Variants in EIF4E3 observed in about 807,000 individuals in gnomAD.
EIF4E3 encodes the protein eukaryotic translation initiation factor 4E family member 3.
Under a neutral mutation model 31.7 loss-of-function variants are expected in EIF4E3, and 26 were observed. That is an observed-to-expected ratio of 0.82 (90% CI 0.60 to 1.14). EIF4E3 has a LOEUF of 1.14. Ranked by LOEUF, EIF4E3 falls within the 50% of genes most tolerant of loss-of-function variation. The probability of loss-of-function intolerance (pLI) is 0.00; values close to 1 mark genes in which losing one functional copy is unlikely to be tolerated. For synonymous variants in EIF4E3, 128 were observed against 107.7 expected (o/e 1.19, Z -1.17); for missense variants, 304 against 270.9 (o/e 1.12, Z -0.86).
chr3:71,738,335 C>T (rs773511510), intron 1 of EIF4E3, among the ~76,000 whole-genome samples: 24 of 151,390 alleles, frequency 1.6e-4, no homozygotes, highest in Non-Finnish European at 3.0e-4. Flanking sequence ...CTTTTACCCC[C>T]ACCAGGTAGA....
At chr3:71,689,832 C>T (rs985046527) in intron 6 of EIF4E3, among the ~76,000 whole-genome samples, 178 bp downstream of exon 6, 1 of 149,610 alleles carries the variant, frequency 6.7e-6, no homozygotes, top group Admixed American at 6.7e-5. Context: ...ACTTTAATTT[C>T]TGAGACTAAG....
chr3:71,673,926 TATATAA>T (rs1394628013), downstream of EIF4E3, among the ~76,000 whole-genome samples: 11 of 139,518 alleles, frequency 7.9e-5, no homozygotes, highest in South Asian at 8.8e-4. Context: ...TATATATATA[TATATAA>T]AAAACATAAT....
chr3:71,689,854 T>TA (rs376899673), intron 6 of EIF4E3, among the ~76,000 whole-genome samples, 156 bp downstream of exon 6: 432 of 140,922 alleles, frequency 3.1e-3, no homozygotes, highest in Admixed American at 4.7e-3. Context: ...TTGTTTTTTT[T>TA]AAAAAAAAAA....
intron 2 of EIF4E3, among the ~76,000 whole-genome samples, chr3:71,704,459 G>A (rs2049262267): frequency 6.6e-6 from 1 of 152,248 alleles, no homozygotes; most frequent in Admixed American, 6.5e-5. Flanking sequence ...TGTGAAGGCA[G>A]GAGGGGTTAT....
chr3:71,722,999 C>T (rs1156662826), intron 1 of EIF4E3, among the ~76,000 whole-genome samples: 1 of 152,140 alleles, frequency 6.6e-6, no homozygotes, highest in Non-Finnish European at 1.5e-5. Context: ...CATCAGCACA[C>T]AGTAGGCTGG....
chr3:71,669,953 TA>T, the EIF4E3 span, among the ~76,000 whole-genome samples: 1 of 152,176 alleles, frequency 6.6e-6, no homozygotes, highest in Non-Finnish European at 1.5e-5. Flanking sequence ...ACAAGAGGCA[TA>T]AACCGTCCTT....
Position 71,696,616 on chromosome 3 carries a change from A to G in EIF4E3, c.345-96T>C, listed in dbSNP as rs1398275158. The G allele has an allele frequency of 5.6e-6, 8 of 1,421,260 alleles. No homozygotes were observed. The African/African-American group carries it at 8.6e-5, about 15-fold the overall frequency. The allele number at this position is 1,421,260 out of a possible 1,614,324, so 88.0% of individuals were successfully genotyped here. On this transcript the variant is annotated intron_variant, in intron 3 of 6. Coordinates refer to ENST00000425534, the MANE Select transcript of EIF4E3 (RefSeq NM_001134651.2). ...CTCTTCATACATTTAGTTTAACAAC[A>G]GATGACCTTAAAAACAAAATAGTTG...
At chr3:71,712,740 T>A (rs762039292) in intron 1 of EIF4E3, among the ~76,000 whole-genome samples, 104 of 151,938 alleles carry the variant, frequency 6.8e-4, no homozygotes, top group Non-Finnish European at 9.4e-4. Flanking sequence ...ATTTTTAAAG[T>A]TCACTTCAAT....
In EIF4E3 at chr3:71,680,617, A is replaced by G. The variant is rs373444113; in HGVS notation, c.*4065T>C. The G allele has an allele frequency of 6.6e-6, 1 of 152,220 alleles. No individual in the cohort carries two copies. Among genetic ancestry groups the G allele is most frequent in the Non-Finnish European group, 1.5e-5 (1 of 68,036 alleles). The allele number at this position is 152,220 out of a possible 1,614,324, so 9.4% of individuals were successfully genotyped here. ...AATAAAATCAGAACAGTATAATCTGACATGAAAGGAATCTATTTGGGATTT... is the reference window on the plus strand; with the variant it reads ...AATAAAATCAGAACAGTATAATCTGGCATGAAAGGAATCTATTTGGGATTT... On this transcript the variant is annotated 3_prime_UTR_variant, in exon 7 of 7. Coordinates refer to ENST00000425534, the MANE Select transcript of EIF4E3 (RefSeq NM_001134651.2).
the EIF4E3 span, among the ~76,000 whole-genome samples, chr3:71,660,172 T>A: frequency 6.6e-6 from 1 of 151,698 alleles, no homozygotes; most frequent in Non-Finnish European, 1.5e-5. Context: ...GAGCAGAAAA[T>A]GAAGCTGTAA....
intron 1 of EIF4E3, among the ~76,000 whole-genome samples, chr3:71,741,817 T>G (rs570701958): frequency 6.6e-6 from 1 of 152,326 alleles, no homozygotes; most frequent in Admixed American, 6.5e-5. Flanking sequence ...TACAAGTATG[T>G]TCTCTGATAC....
At chr3:71,695,947 A>G (rs1449883109) in intron 4 of EIF4E3, among the ~76,000 whole-genome samples, 1 of 152,182 alleles carries the variant, frequency 6.6e-6, no homozygotes, top group African/African-American at 2.4e-5. Flanking sequence ...TCATCACACC[A>G]TCCAGGTTCT....
At chr3:71,751,044 G>C (rs1482298318) in intron 1 of EIF4E3, among the ~76,000 whole-genome samples, 1 of 151,230 alleles carries the variant, frequency 6.6e-6, no homozygotes, top group Non-Finnish European at 1.5e-5. Flanking sequence ...TTACAGGTGT[G>C]AGCCACCGCA....
At chr3:71,703,392 A>C (rs1396343580) in intron 2 of EIF4E3, among the ~76,000 whole-genome samples, 1 of 152,240 alleles carries the variant, frequency 6.6e-6, no homozygotes, top group African/African-American at 2.4e-5. Context: ...GGTTCTCAGC[A>C]TAACCTTCAC....
At chr3:71,742,067 T>C (rs948370328) in intron 1 of EIF4E3, among the ~76,000 whole-genome samples, 2 of 152,158 alleles carry the variant, frequency 1.3e-5, no homozygotes, top group South Asian at 2.1e-4. Context: ...CTCAAATAGA[T>C]GGACTCAGCT....
chr3:71,712,526 T>C (rs2049394225), intron 1 of EIF4E3, among the ~76,000 whole-genome samples: 2 of 150,900 alleles, frequency 1.3e-5, no homozygotes, highest in African/African-American at 4.9e-5. Flanking sequence ...TTTCTTCCTT[T>C]ATCTGACTGC....
chr3:71,667,807 T>C, the EIF4E3 span, among the ~76,000 whole-genome samples: 3 of 152,158 alleles, frequency 2.0e-5, no homozygotes, highest in Non-Finnish European at 4.4e-5. Flanking sequence ...AGAATCAATA[T>C]AGTGAAAATG....
At position 71,749,328 on chromosome 3, in the gene EIF4E3, C is replaced by T. The variant is rs530744903; in HGVS notation, c.-291+4135G>A. ...GGACATGAACCAGAGTGGTCCTCACCGCAAGGCCCACTTTCATTGTCAAAG... is the reference window on the plus strand; with the variant it reads ...GGACATGAACCAGAGTGGTCCTCACTGCAAGGCCCACTTTCATTGTCAAAG... On this transcript the variant is annotated intron_variant, in intron 1 of 7. Transcript: ENST00000295612. Among the ~76,000 whole-genome samples, 2 of 152,322 alleles carry T rather than the reference C, an allele frequency of 1.3e-5. 1 individual carries two copies. The highest frequency in any genetic ancestry group is 4.8e-5 in the African/African-American group (2 of 41,558).
upstream of EIF4E3, among the ~76,000 whole-genome samples, chr3:71,729,798 A>ATGTGTGTGTGTGTGTGTGTGTGTGTG (rs3066626): frequency 6.2e-5 from 8 of 129,692 alleles, no homozygotes; most frequent in Admixed American, 2.4e-4. Context: ...TTCCAATAGA[A>ATGTGTGTGTGTGTGTGTGTGTGTGTG]TGTGTGTGTG....
Sources: allele counts gnomAD v4.1 joint callset (sites outside exome capture counted in the v4.1 genomes callset), GRCh38; gene constraint gnomAD v4.1.1; transcripts MANE v1.5; gene names NCBI Gene and HGNC (gene_info 2026-07-23, HGNC 2026-07-21).